Variants in SNX9 observed in about 807,000 individuals in gnomAD.
SNX9 encodes the protein sorting nexin 9, also known as sorting nexin-9.
In SNX9, 44 loss-of-function variants were observed where a neutral mutation model predicts 89.4. The observed-to-expected ratio is 0.49, with a 90% CI of 0.39 to 0.63. The LOEUF is 0.63. Among genes scored for constraint, SNX9 ranks in the 30% least tolerant of loss-of-function variants. SNX9 has a pLI of 0.00. For synonymous variants in SNX9, 236 were observed against 247.8 expected (o/e 0.95, Z 0.45); for missense variants, 578 against 736.1 (o/e 0.79, Z 2.49).
intron 1 of SNX9, among the ~76,000 whole-genome samples, chr6:157,849,122 A>G (rs1224842447): frequency 6.6e-6 from 1 of 152,200 alleles, no homozygotes; most frequent in Admixed American, 6.5e-5. Flanking sequence ...AAAAGAAAAG[A>G]AAATAGTTCA....
At chr6:157,894,397 A>G (rs549000149) in intron 4 of SNX9, among the ~76,000 whole-genome samples, 1 of 147,730 alleles carries the variant, frequency 6.8e-6, no homozygotes, top group Admixed American at 6.8e-5. Context: ...GGCATGAGCC[A>G]CTGTGCCCGG....
chr6:157,897,981 G>C (rs796837008), intron 5 of SNX9, among the ~76,000 whole-genome samples: 1 of 152,252 alleles, frequency 6.6e-6, no homozygotes, highest in African/African-American at 2.4e-5. Flanking sequence ...CCTACCACCC[G>C]GGAAATTCCA....
At chr6:157,898,919 T>C (rs1452487994) in intron 5 of SNX9, among the ~76,000 whole-genome samples, 5 of 152,114 alleles carry the variant, frequency 3.3e-5, no homozygotes, top group Non-Finnish European at 7.4e-5. Context: ...ACTCCTGGGG[T>C]CTGGCTCTCT....
intron 4 of SNX9, among the ~76,000 whole-genome samples, chr6:157,891,201 G>A (rs1782852788): frequency 6.6e-6 from 1 of 151,570 alleles, no homozygotes; most frequent in Non-Finnish European, 1.5e-5. Flanking sequence ...CCGGCTTTTT[G>A]TATTTTTAAT....
chr6:157,891,027 CTTTTTTTTTT>C lies in SNX9; in HGVS notation c.301-5787_301-5778del, dbSNP rs67186551. ...ATGCTAAAAATTCTTTTTTCTTTCT[CTTTTTTTTTT>C]TTTTTTTTTTTTGAGACAGAGTCTC... On this transcript the variant is annotated intron_variant, in intron 4 of 17. Coordinates refer to ENST00000392185, the MANE Select transcript of SNX9 (RefSeq NM_016224.5). 7.0e-5 allele frequency among the ~76,000 whole-genome samples: 8 copies of C among 114,918 alleles called. No homozygotes were observed. In the East Asian group the frequency reaches 2.0e-3, roughly 28 times the overall value. 75.4% of individuals were successfully genotyped at this position (114,918 alleles called of 152,430 possible). A position where few individuals can be genotyped will look rare whatever the true frequency, so the allele number is the denominator to read the frequency against.
intron 4 of SNX9, among the ~76,000 whole-genome samples, chr6:157,881,543 A>G (rs1782623819): frequency 6.6e-6 from 1 of 152,210 alleles, no homozygotes; most frequent in South Asian, 2.1e-4. Flanking sequence ...AGCAGGCCAA[A>G]AGCCAGGTCC....
chr6:157,891,027 C>CTTTT (rs67186551), intron 4 of SNX9, among the ~76,000 whole-genome samples: 3,433 of 114,824 alleles, frequency 0.03, 101 homozygotes, highest in East Asian at 0.056. Context: ...TTTTCTTTCT[C>CTTTT]TTTTTTTTTT....
intron 4 of SNX9, among the ~76,000 whole-genome samples, chr6:157,883,724 A>AG (rs1782675769): frequency 6.6e-6 from 1 of 152,222 alleles, no homozygotes; most frequent in African/African-American, 2.4e-5. Context: ...TGAGAATAAC[A>AG]GAGTGACTCC....
chr6:157,906,973 G>A (rs189506913), intron 7 of SNX9, among the ~76,000 whole-genome samples: 75 of 152,248 alleles, frequency 4.9e-4, no homozygotes, highest in African/African-American at 1.6e-3. Context: ...GTCTTATTCT[G>A]TAGTCTTTGG....
Position 157,823,300 on chromosome 6 carries a change from G to A in SNX9, c.-135G>A. On this transcript the variant is annotated 5_prime_UTR_variant, in exon 1 of 18. Coordinates refer to ENST00000392185, the MANE Select transcript of SNX9 (RefSeq NM_016224.5). The surrounding 1 kb of genome is among the most constrained non-coding windows in gnomAD (Gnocchi z 4.6). ...CTGAGCGTCGAGACTCGGGGCCGAG[G>A]CGGAGGAGCGGCCGCCGCGCCGGGG... 1 of 696,712 alleles carries A rather than the reference G, an allele frequency of 1.4e-6. No homozygotes were observed. Among genetic ancestry groups the A allele is most frequent in the Non-Finnish European group, 1.9e-6 (1 of 528,674 alleles). 43.2% of individuals were successfully genotyped at this position (696,712 alleles called of 1,614,324 possible).
chr6:157,861,688 ACCT>A (rs1315784705), intron 1 of SNX9, among the ~76,000 whole-genome samples: 1 of 152,144 alleles, frequency 6.6e-6, no homozygotes, highest in Non-Finnish European at 1.5e-5. Context: ...ATGTTCCGAG[ACCT>A]CCAGGGATGC....
At chr6:157,851,019 A>C (rs1210069966) in intron 1 of SNX9, among the ~76,000 whole-genome samples, 2 of 152,066 alleles carry the variant, frequency 1.3e-5, no homozygotes, top group Admixed American at 1.3e-4. Context: ...ACTTTGGGAG[A>C]CTGAAGTGAG....
At chr6:157,850,884 G>A (rs1654600399) in intron 1 of SNX9, among the ~76,000 whole-genome samples, 1 of 152,246 alleles carries the variant, frequency 6.6e-6, no homozygotes. Context: ...CGCCATAGAA[G>A]GAAGGAGCAT....
intron 4 of SNX9, among the ~76,000 whole-genome samples, chr6:157,896,100 T>C (rs6924813): frequency 0.25 from 38,604 of 152,094 alleles, 5,259 homozygotes; most frequent in African/African-American, 0.34. Context: ...CGTTCTAGAT[T>C]GTAGGAAGGA....
intron 1 of SNX9, among the ~76,000 whole-genome samples, chr6:157,825,817 C>T (rs535899036): frequency 6.6e-6 from 1 of 152,238 alleles, no homozygotes; most frequent in South Asian, 2.1e-4. Flanking sequence ...CTCCCTTCCC[C>T]CATATGCACA....
rs1782984051 is a variant in SNX9 at position 157,896,717 on chromosome 6, T to G, written c.301-110T>G. The G allele has an allele frequency of 4.2e-6, 5 of 1,200,610 alleles. No homozygotes were observed. The African/African-American group carries it at 5.0e-5, about 12-fold the overall frequency. 74.4% of individuals were successfully genotyped at this position (1,200,610 alleles called of 1,614,324 possible). A position where few individuals can be genotyped will look rare whatever the true frequency, so the allele number is the denominator to read the frequency against. Reference sequence around the variant, plus strand: ...AAAATTGTTTTGAATACATTTCTATTAATTGTTTTTAGTACTCCTGTTGTA... The same window carrying G: ...AAAATTGTTTTGAATACATTTCTATGAATTGTTTTTAGTACTCCTGTTGTA... On this transcript the variant is annotated intron_variant, in intron 4 of 17. Coordinates refer to ENST00000392185, the MANE Select transcript of SNX9 (RefSeq NM_016224.5).
intron 13 of SNX9, among the ~76,000 whole-genome samples, chr6:157,932,927 ATGTT>A (rs1279891002): frequency 3.3e-5 from 5 of 151,050 alleles, no homozygotes; most frequent in Non-Finnish European, 5.9e-5. Context: ...TCAAGGAAAA[ATGTT>A]TGACCAAGTA....
chr6:157,858,521 C>T (rs563166851), intron 1 of SNX9, among the ~76,000 whole-genome samples: 10 of 152,174 alleles, frequency 6.6e-5, no homozygotes, highest in African/African-American at 1.9e-4. Flanking sequence ...CATGCCCGGC[C>T]ATTGTCCAGA....
At chr6:157,852,149 A>T (rs1161502608) in intron 1 of SNX9, among the ~76,000 whole-genome samples, 2 of 152,180 alleles carry the variant, frequency 1.3e-5, no homozygotes, top group African/African-American at 2.4e-5. Flanking sequence ...ATCATATGGT[A>T]ATTCCGTGTT....
Sources: gnomAD v4.1 joint callset for allele counts (sites outside exome capture counted in the v4.1 genomes callset) on GRCh38, gnomAD v4.1.1 for gene constraint, Gnocchi (gnomAD v3.1) non-coding constraint, MANE v1.5 for transcripts, NCBI Gene and HGNC (gene_info 2026-07-23, HGNC 2026-07-21) for gene names.